Variants in RASEF observed in about 807,000 individuals in gnomAD.
RASEF encodes RAS and EF-hand domain containing, also known as ras and EF-hand domain-containing protein.
In RASEF, 68 loss-of-function variants were observed where a neutral mutation model predicts 90.1. That is an observed-to-expected ratio of 0.75 (90% CI 0.62 to 0.92). The LOEUF (loss-of-function observed/expected upper bound fraction) is 0.92. Among genes scored for constraint, RASEF ranks in the 40% least tolerant of loss-of-function variants. RASEF has a pLI of 0.00. For missense variants in RASEF, 949 were observed against 937.2 expected, an observed-to-expected ratio of 1.01 and a Z score of -0.16; for synonymous variants, 331 against 345.2, an observed-to-expected ratio of 0.96 and a Z score of 0.46.
chr9:83,094,332 A>C, the RASEF span, among the ~76,000 whole-genome samples: 1 of 146,320 alleles, frequency 6.8e-6, no homozygotes, highest in Non-Finnish European at 1.5e-5. Flanking sequence ...TAAAAGGTCT[A>C]ATTAATATTG....
At chr9:83,167,189 A>C in the RASEF span, among the ~76,000 whole-genome samples, 2 of 152,100 alleles carry the variant, frequency 1.3e-5, no homozygotes, top group African/African-American at 4.8e-5. Context: ...TTTGAGTCTC[A>C]AAATCAGGCA....
the RASEF span, among the ~76,000 whole-genome samples, chr9:83,150,576 G>A: frequency 1.3e-5 from 2 of 151,822 alleles, no homozygotes; most frequent in Non-Finnish European, 2.9e-5. Flanking sequence ...TGAATTATTT[G>A]GTTTTAAAAT....
the RASEF span, among the ~76,000 whole-genome samples, chr9:83,085,546 G>A: frequency 6.6e-6 from 1 of 151,992 alleles, no homozygotes; most frequent in Non-Finnish European, 1.5e-5. Flanking sequence ...GAGATGGGAG[G>A]ATCACTTGAA....
Position 83,062,639 on chromosome 9 carries a change from C to G in RASEF, c.229G>C (p.Gly77Arg), listed in dbSNP as rs780878161. 2.5e-5 allele frequency: 39 copies of G among 1,555,612 alleles called. No homozygotes were observed. The South Asian group carries it at 3.7e-4, about 15-fold the overall frequency. ...FARGFLGSLR[G>R]GRRRDWGPLD... ...GGACCCCAGTCCCGGCGCCGCCCCC[C>G]GCGGAGGGACCCGAGGAAGCCACGC... is the stretch of plus-strand genomic sequence containing the variant. The change falls in exon 1 of 17, where the codon GGG becomes CGG. Residue 77 changes from glycine to arginine, a missense_variant. This residue lies in a region of RASEF where 656 missense variants were observed against 592.2 expected (regional missense o/e 1.11). Coordinates refer to ENST00000376447, the MANE Select transcript of RASEF (RefSeq NM_152573.4).
chr9:82,992,825 T>C (rs1256114079), intron 15 of RASEF, 81 bp downstream of exon 15: 2 of 1,464,580 alleles, frequency 1.4e-6, no homozygotes, highest in Non-Finnish European at 9.4e-7. Context: ...CAAGCAAAGG[T>C]AGACAAAAGT....
At chr9:83,031,503 G>T (rs1030282715) in intron 1 of RASEF, among the ~76,000 whole-genome samples, 1 of 152,158 alleles carries the variant, frequency 6.6e-6, no homozygotes, top group African/African-American at 2.4e-5. Context: ...CTGAGGAGGA[G>T]ACTTAGGCAA....
chr9:83,095,328 T>C, the RASEF span, among the ~76,000 whole-genome samples: 1 of 151,760 alleles, frequency 6.6e-6, no homozygotes, highest in African/African-American at 2.4e-5. Context: ...AGCAGGGGAC[T>C]CTGGAATCTG....
Position 83,062,495 on chromosome 9 carries a change from C to T in RASEF, c.373G>A (p.Gly125Ser). The change falls in exon 1 of 17, where the codon GGC becomes AGC. Residue 125 changes from glycine to serine, a missense_variant. Coordinates refer to ENST00000376447, the MANE Select transcript of RASEF (RefSeq NM_152573.4). Reference sequence around the variant, plus strand: ...GCCTGGAAATCCTGCCAAGCCCGGCCGGGACTCGCCGGGCCGCACGAGGTG... The same window carrying T: ...GCCTGGAAATCCTGCCAAGCCCGGCTGGGACTCGCCGGGCCGCACGAGGTG... ...LATSCGPASP[G>S]RAWQDFQARL... 8.7e-6 allele frequency: 14 copies of T among 1,611,546 alleles called. No homozygotes were observed. The highest frequency in any genetic ancestry group is 1.2e-5 in the Non-Finnish European group (14 of 1,179,288).
the RASEF span, among the ~76,000 whole-genome samples, chr9:83,164,347 G>GTGTGTA: frequency 0.22 from 28,749 of 129,396 alleles, 3,623 homozygotes; most frequent in Middle Eastern, 0.32. Flanking sequence ...GTATATGTGT[G>GTGTGTA]TATATATATA....
rs897812906 is a variant in RASEF at position 83,025,808 on chromosome 9, G to C, written c.545C>G (p.Thr182Arg). The change falls in exon 2 of 17, where the codon ACA becomes AGA. Residue 182 changes from threonine to arginine, a missense_variant. By Grantham distance (71) the Thr-to-Arg change is moderately conservative. This residue lies in a region of RASEF where 656 missense variants were observed against 592.2 expected (regional missense o/e 1.11). Coordinates refer to ENST00000376447, the MANE Select transcript of RASEF (RefSeq NM_152573.4). Reference protein sequence around the residue: ...NFIREIRLQSTEMENLAIAVK... With the variant: ...NFIREIRLQSREMENLAIAVK... ...CGCAATGGCCAAATTTTCCATTTCT[G>C]TGCTTTGAAGTCTGATCTCACGGAT... The C allele has an allele frequency of 6.2e-7, 1 of 1,613,692 alleles. No homozygotes were observed. Among genetic ancestry groups the C allele is most frequent in the African/African-American group, 1.3e-5 (1 of 74,884 alleles).
chr9:83,007,093 C>A (rs992033189), intron 7 of RASEF, among the ~76,000 whole-genome samples: 260 of 126,964 alleles, frequency 2.0e-3, no homozygotes, highest in Middle Eastern at 4.0e-3. Flanking sequence ...GACTCTGTCT[C>A]AAAAAAAAAA....
chr9:82,987,907 T>A (rs1828737677), intron 16 of RASEF, among the ~76,000 whole-genome samples: 2 of 152,176 alleles, frequency 1.3e-5, no homozygotes, highest in African/African-American at 2.4e-5. Flanking sequence ...GACACCATAA[T>A]CCTCCAATAT....
At chr9:83,124,319 T>C in the RASEF span, among the ~76,000 whole-genome samples, 2 of 152,238 alleles carry the variant, frequency 1.3e-5, no homozygotes, top group African/African-American at 4.8e-5. Flanking sequence ...CACCCAGAAG[T>C]AGAAATGCTG....
the RASEF span, among the ~76,000 whole-genome samples, chr9:83,106,221 T>G: frequency 2.6e-5 from 4 of 152,176 alleles, no homozygotes; most frequent in African/African-American, 9.7e-5. Flanking sequence ...TCCCTCCACC[T>G]TGTTTTAAGA....
intron 1 of RASEF, among the ~76,000 whole-genome samples, chr9:83,032,662 G>A (rs530642152): frequency 6.6e-6 from 1 of 152,142 alleles, no homozygotes; most frequent in Non-Finnish European, 1.5e-5. Flanking sequence ...AGTAGCAATG[G>A]CTAATTACTG....
At chr9:83,174,466 T>C in the RASEF span, among the ~76,000 whole-genome samples, 2 of 152,176 alleles carry the variant, frequency 1.3e-5, no homozygotes, top group Non-Finnish European at 2.9e-5. Flanking sequence ...ATATAATGGC[T>C]TATTTCTGGT....
chr9:83,102,722 C>T, the RASEF span, among the ~76,000 whole-genome samples: 1 of 152,150 alleles, frequency 6.6e-6, no homozygotes, highest in Non-Finnish European at 1.5e-5. Flanking sequence ...TTAAGCTTGG[C>T]TAGTTTGAGT....
At chr9:82,984,554 G>A (rs192063838) in intron 16 of RASEF, among the ~76,000 whole-genome samples, 6 of 152,272 alleles carry the variant, frequency 3.9e-5, no homozygotes, top group Admixed American at 1.3e-4. Flanking sequence ...ACACACACCC[G>A]ACAGGAGATG....
At chr9:83,110,492 A>G in the RASEF span, among the ~76,000 whole-genome samples, 1 of 152,136 alleles carries the variant, frequency 6.6e-6, no homozygotes, top group African/African-American at 2.4e-5. Context: ...GGCATGGCCT[A>G]TTTGGATGGT....
Sources: allele counts gnomAD v4.1 joint callset (sites outside exome capture counted in the v4.1 genomes callset), GRCh38; gene constraint gnomAD v4.1.1; regional missense constraint gnomAD v4.1.1; transcripts MANE v1.5; gene names NCBI Gene and HGNC (gene_info 2026-07-23, HGNC 2026-07-21).